Variants in SLC68A1 observed in about 807,000 individuals in gnomAD.
The protein encoded by SLC68A1 is major facilitator superfamily domain containing 13A.
At chr10:102,474,401 T>C in the SLC68A1 span, among the ~76,000 whole-genome samples, 1 of 152,214 alleles carries the variant, frequency 6.6e-6, no homozygotes, top group East Asian at 1.9e-4. Context: ...TGATGTGAGA[T>C]GGCGTGACCA....
chr10:102,473,118 G>GA, the SLC68A1 span: 1 of 643,464 alleles, frequency 1.6e-6, no homozygotes, highest in Non-Finnish European at 2.8e-6. Context: ...GAGCCACTGC[G>GA]CCCAGCCAGG....
the SLC68A1 span, chr10:102,469,129 C>G: frequency 1.2e-6 from 2 of 1,614,192 alleles, no homozygotes; most frequent in South Asian, 1.1e-5. Context: ...CAATGTCTTC[C>G]TGCTCTACTA....
At chr10:102,467,997 G>T in the SLC68A1 span, among the ~76,000 whole-genome samples, 1 of 151,226 alleles carries the variant, frequency 6.6e-6, no homozygotes, top group Admixed American at 6.6e-5. Flanking sequence ...GGGGTGTGGT[G>T]GGCCGGGTGG....
At chr10:102,470,867 C>T in the SLC68A1 span, 1 of 1,613,364 alleles carries the variant, frequency 6.2e-7, no homozygotes, top group Non-Finnish European at 8.5e-7. Context: ...GCTGGCCGAC[C>T]TGGCCCTCTC....
chr10:102,470,657 C>T, the SLC68A1 span: 1 of 1,603,042 alleles, frequency 6.2e-7, no homozygotes, highest in East Asian at 2.2e-5. Flanking sequence ...CTCTCCTTTC[C>T]CCGGCAGGTC....
chr10:102,471,053 C>CTGAGGCGGCGGGT, the SLC68A1 span: 7 of 1,613,752 alleles, frequency 4.3e-6, no homozygotes, highest in Middle Eastern at 1.6e-4. Flanking sequence ...CACACAGCTG[C>CTGAGGCGGCGGGT]TGAGGCGGCG....
the SLC68A1 span, among the ~76,000 whole-genome samples, chr10:102,465,373 T>C: frequency 1.3e-5 from 2 of 151,316 alleles, no homozygotes; most frequent in African/African-American, 4.9e-5. Flanking sequence ...TGCAGTGAGC[T>C]GAGATTGAGC....
the SLC68A1 span, among the ~76,000 whole-genome samples, chr10:102,462,744 C>T: frequency 6.6e-6 from 1 of 152,244 alleles, no homozygotes; most frequent in Non-Finnish European, 1.5e-5. Flanking sequence ...TTACAAAACC[C>T]TTCCTGATGT....
At chr10:102,476,315 G>A in the SLC68A1 span, 36 of 275,424 alleles carry the variant, frequency 1.3e-4, no homozygotes, top group East Asian at 3.7e-3. Context: ...TGATCAGCCC[G>A]CCTCGGCCTC....
At chr10:102,476,052 G>C in the SLC68A1 span, 1 of 735,950 alleles carries the variant, frequency 1.4e-6, no homozygotes, top group Non-Finnish European at 1.8e-6. Flanking sequence ...GTTTTTTTTG[G>C]TTTTTTTTTT....
At chr10:102,473,595 C>G in the SLC68A1 span, 1 of 1,612,130 alleles carries the variant, frequency 6.2e-7, no homozygotes, top group Non-Finnish European at 8.5e-7. Context: ...CTCCCCATCT[C>G]AACAACCTCT....
chr10:102,473,753 C>G, the SLC68A1 span: 2 of 1,609,730 alleles, frequency 1.2e-6, no homozygotes, highest in Non-Finnish European at 1.7e-6. Context: ...TATGCCCCTG[C>G]CCACGCTCCC....
the SLC68A1 span, among the ~76,000 whole-genome samples, chr10:102,473,224 G>A: frequency 6.6e-6 from 1 of 152,110 alleles, no homozygotes; most frequent in Non-Finnish European, 1.5e-5. Flanking sequence ...GTGCTGGTGT[G>A]GGTCCTCTTG....
the SLC68A1 span, chr10:102,476,077 T>TTG: frequency 2.2e-6 from 2 of 912,264 alleles, no homozygotes; most frequent in Non-Finnish European, 2.8e-6. Context: ...ATTTCATAGT[T>TTG]TTTTTTTTTT....
chr10:102,462,529 A>G, the SLC68A1 span, among the ~76,000 whole-genome samples: 2 of 151,368 alleles, frequency 1.3e-5, no homozygotes, highest in Non-Finnish European at 2.9e-5. Context: ...AAATTCATCA[A>G]CCTCCCCCAC....
At chr10:102,462,223 A>G in the SLC68A1 span, among the ~76,000 whole-genome samples, 10 of 152,324 alleles carry the variant, frequency 6.6e-5, no homozygotes, top group African/African-American at 2.4e-4. Flanking sequence ...CAGGAAACAC[A>G]GCAGACAATT....
the SLC68A1 span, chr10:102,471,269 A>G: frequency 6.8e-6 from 11 of 1,613,444 alleles, no homozygotes; most frequent in African/African-American, 1.5e-4. Context: ...CTTCTGCCCC[A>G]TAGCCTGTGT....
the SLC68A1 span, chr10:102,473,978 G>A: frequency 1.8e-5 from 29 of 1,609,644 alleles, 1 homozygote; most frequent in South Asian, 8.8e-5. Context: ...CCTTTGCCCC[G>A]CTGCTGGGCA....
the SLC68A1 span, chr10:102,475,592 T>C: frequency 9.3e-7 from 1 of 1,071,932 alleles, no homozygotes; most frequent in Non-Finnish European, 1.3e-6. Context: ...GGAGTGGGTT[T>C]GGAGGAATCA....
Sources: gnomAD v4.1 joint callset for allele counts (sites outside exome capture counted in the v4.1 genomes callset) on GRCh38, gnomAD v4.1.1 for gene constraint, MANE v1.5 for transcripts, NCBI Gene and HGNC (gene_info 2026-07-23, HGNC 2026-07-21) for gene names.